EXO1: variants seen among roughly 807,000 people sequenced by gnomAD.
The protein encoded by EXO1 is exonuclease 1.
Under a neutral mutation model 84.5 loss-of-function variants are expected in EXO1, and 69 were observed. The observed-to-expected ratio is 0.82, with a 90% CI of 0.67 to 1.00. The LOEUF (loss-of-function observed/expected upper bound fraction) is 1.00. Ranked by LOEUF, EXO1 falls within the 50% of genes least tolerant of loss-of-function variation. The pLI, the probability that EXO1 is intolerant of heterozygous loss-of-function variation, is 0.00. For synonymous variants in EXO1, 373 were observed against 366.1 expected, an observed-to-expected ratio of 1.02 and a Z score of -0.21; for missense variants, 1,045 against 1,000.7, an observed-to-expected ratio of 1.04 and a Z score of -0.60.
chr1:241,874,109 T>C (rs1345013926), intron 12 of EXO1, among the ~76,000 whole-genome samples: 1 of 152,106 alleles, frequency 6.6e-6, no homozygotes, highest in African/African-American at 2.4e-5. Context: ...ATAGAAACAT[T>C]GAGAGGGTCG....
chr1:241,868,536 C>T (rs1030258814), intron 11 of EXO1, among the ~76,000 whole-genome samples: 3 of 152,008 alleles, frequency 2.0e-5, no homozygotes, highest in African/African-American at 4.8e-5. Context: ...AATGTGGTGA[C>T]GTGTGTCTGT....
chr1:241,858,092 A>G (rs550257976), intron 7 of EXO1, among the ~76,000 whole-genome samples: 1 of 152,342 alleles, frequency 6.6e-6, no homozygotes, highest in Non-Finnish European at 1.5e-5. Context: ...TTCTTCCTGA[A>G]TTTCTATATT....
At chr1:241,868,237 A>G (rs1368651678) in intron 11 of EXO1, among the ~76,000 whole-genome samples, 1 of 152,128 alleles carries the variant, frequency 6.6e-6, no homozygotes, top group Non-Finnish European at 1.5e-5. Flanking sequence ...TTAGCCAGGC[A>G]TGGTGGCACA....
chr1:241,876,219 T>G (rs1207764443), intron 12 of EXO1, among the ~76,000 whole-genome samples: 1 of 152,218 alleles, frequency 6.6e-6, no homozygotes, highest in Non-Finnish European at 1.5e-5. Context: ...CAGCTTTCTG[T>G]GAGAAATAAT....
intron 13 of EXO1, among the ~76,000 whole-genome samples, chr1:241,879,561 A>G (rs764939253): frequency 6.6e-6 from 1 of 152,188 alleles, no homozygotes; most frequent in Non-Finnish European, 1.5e-5. Flanking sequence ...AACTCTGTAT[A>G]TTTCCTGAAT....
At chr1:241,852,730 C>T (rs1001275228) in intron 5 of EXO1, among the ~76,000 whole-genome samples, 6 of 152,174 alleles carry the variant, frequency 3.9e-5, no homozygotes, top group East Asian at 1.9e-4. Context: ...AATCTTGGCT[C>T]GCTGGAAACT....
chr1:241,880,036 A>G (rs1011053990), intron 13 of EXO1, among the ~76,000 whole-genome samples: 1 of 151,872 alleles, frequency 6.6e-6, no homozygotes, highest in Non-Finnish European at 1.5e-5. Flanking sequence ...AAGAGACCTT[A>G]TAAGGAAATA....
rs139313901 is a variant in EXO1 at position 241,865,029 on chromosome 1, A to G, written c.1042-1801A>G. 7.4e-3 allele frequency among the ~76,000 whole-genome samples: 1,125 copies of G among 151,404 alleles called. 17 individuals are homozygous for G. Among genetic ancestry groups the G allele is most frequent in the African/African-American group, 0.026 (1,071 of 41,188 alleles). The stretch of plus-strand genomic sequence containing the variant: ...GCTGGAACTACAGGCACATGCCACC[A>G]TGCCTGGCTAATTTTGTGTGTGTGG... On this transcript the variant is annotated intron_variant, in intron 10 of 15. Transcript: ENST00000366548.
At chr1:241,856,624 T>C (rs1396241742) in intron 6 of EXO1, among the ~76,000 whole-genome samples, 1 of 152,184 alleles carries the variant, frequency 6.6e-6, no homozygotes, top group Non-Finnish European at 1.5e-5. Context: ...ACATTGACTT[T>C]CGTAGCTTGA....
chr1:241,882,569 G>A (rs1046800771), intron 14 of EXO1, among the ~76,000 whole-genome samples: 1 of 151,990 alleles, frequency 6.6e-6, no homozygotes, highest in African/African-American at 2.4e-5. Context: ...TATTAAGCAC[G>A]AATTAAAGCA....
chr1:241,855,582 A>C (rs1308204196), intron 6 of EXO1, among the ~76,000 whole-genome samples: 1 of 151,984 alleles, frequency 6.6e-6, no homozygotes, highest in African/African-American at 2.4e-5. Context: ...GTCTGCCCGC[A>C]CTCCTCAGCC....
chr1:241,881,893 A>G, intron 13 of EXO1, 23 bp from the exon 14 acceptor site: 1 of 1,207,888 alleles, frequency 8.3e-7, no homozygotes. Flanking sequence ...ATTTTATTTT[A>G]TTTTTTGATC....
chr1:241,883,741 A>ACTG (rs1662896775), intron 14 of EXO1, among the ~76,000 whole-genome samples: 1 of 152,102 alleles, frequency 6.6e-6, no homozygotes, highest in Non-Finnish European at 1.5e-5. Flanking sequence ...CAATATGTAT[A>ACTG]GTGTTTTTGT....
chr1:241,857,193 C>T (rs2995544), intron 6 of EXO1, 152 bp from the exon 7 acceptor site: 432,971 of 710,502 alleles, frequency 0.61, 135,228 homozygotes, highest in East Asian at 0.81. Flanking sequence ...CTAAAACTTA[C>T]AGTAGAAAAA....
chr1:241,857,456 G>A lies in EXO1; in HGVS notation c.517G>A (p.Asp173Asn), dbSNP rs1264649136. 1 of 1,613,896 alleles carries A rather than the reference G, an allele frequency of 6.2e-7. No homozygotes were observed. Among genetic ancestry groups the A allele is most frequent in the Non-Finnish European group, 8.5e-7 (1 of 1,179,958 alleles). The change falls in exon 7 of 16, where the codon GAT becomes AAT. Residue 173 changes from aspartate to asparagine, a missense_variant. Transcript: ENST00000366548. The part of the protein sequence containing the change: ...IVQAIITEDS[D>N]LLAFGCKKVI... ...GCAAGCCATAATTACAGAGGACTCGGATCTCCTAGCTTTTGGCTGTAAAAA... is the reference window on the plus strand; with the variant it reads ...GCAAGCCATAATTACAGAGGACTCGAATCTCCTAGCTTTTGGCTGTAAAAA...
In EXO1 at chr1:241,872,053, T is replaced by C. The variant is rs1662130459; in HGVS notation, c.1289T>C (p.Leu430Pro). ...TTAGCAGAGCTGTCAGAAGATGACC[T>C]GTTGAGTCAGTATTCTCTTTCATTT... Reference protein sequence around the residue: ...PRSAELSEDDLLSQYSLSFTK... With the variant: ...PRSAELSEDDPLSQYSLSFTK... The change falls in exon 12 of 16, where the codon CTG (leucine) becomes CCG (proline). Residue 430 changes from leucine (L) to proline (P), a missense_variant. Leu to Pro is a moderately conservative substitution (Grantham distance 98). Coordinates refer to ENST00000366548, the MANE Select transcript of EXO1 (RefSeq NM_130398.4). 6.2e-7 allele frequency: 1 copy of C among 1,613,164 alleles called. No individual in the cohort carries two copies. The highest frequency in any genetic ancestry group is 1.3e-5 in the African/African-American group (1 of 74,884).
Position 241,848,848 on chromosome 1 carries a change from C to T in EXO1, c.-302C>T, listed in dbSNP as rs1218068817. ...TGTTACCTCGAGTGCCACATGCGAC[C>T]TCTGAGATATGTACACAGTCATTCT... On this transcript the variant is annotated 5_prime_UTR_variant, in exon 2 of 16. Coordinates refer to ENST00000366548, the MANE Select transcript of EXO1 (RefSeq NM_130398.4). This position sits in a 1 kb window ranked among gnomAD's most constrained non-coding sequence, Gnocchi z 4.2. The T allele has an allele frequency of 6.6e-6, 1 of 152,158 alleles. No individual in the cohort carries two copies. Among genetic ancestry groups the T allele is most frequent in the African/African-American group, 2.4e-5 (1 of 41,416 alleles). The allele number at this position is 152,158 out of a possible 1,614,324, so 9.4% of individuals were successfully genotyped here. A position where few individuals can be genotyped will look rare whatever the true frequency, so the allele number is the denominator to read the frequency against.
chr1:241,884,469 A>G (rs897504449), intron 14 of EXO1, among the ~76,000 whole-genome samples: 1 of 152,208 alleles, frequency 6.6e-6, no homozygotes, highest in Non-Finnish European at 1.5e-5. Context: ...CCTAAATGTC[A>G]ATAGAGGTTT....
Position 241,857,357 on chromosome 1 carries a change from CAG to C in EXO1, c.419_420del (p.Gln140ArgfsTer10), listed in dbSNP as rs1491146265. 40 of 1,613,704 alleles carry C rather than the reference CAG, an allele frequency of 2.5e-5. No individual in the cohort carries two copies. Among genetic ancestry groups the C allele is most frequent in the Middle Eastern group, 3.3e-4 (2 of 6,080 alleles). On this transcript the variant is annotated frameshift_variant, in exon 7 of 16. Coordinates refer to ENST00000366548, the MANE Select transcript of EXO1 (RefSeq NM_130398.4). LOFTEE classifies it high-confidence loss of function. ...TTCTCTCTTCTAGGCTGCCCGGTCT[CAG>C]GGGGTAGATTGCCTCGTGGCTCCCT... ...AHKVIKAARS[Q>X]GVDCLVAPYE...
Sources: allele counts gnomAD v4.1 joint callset (sites outside exome capture counted in the v4.1 genomes callset), GRCh38; gene constraint gnomAD v4.1.1; non-coding constraint Gnocchi (gnomAD v3.1); transcripts MANE v1.5; gene names NCBI Gene and HGNC (gene_info 2026-07-23, HGNC 2026-07-21).